Variants in PIP5K1B observed in about 807,000 individuals in gnomAD.
PIP5K1B encodes phosphatidylinositol 4-phosphate 5-kinase type-1 beta.
In PIP5K1B, 42 loss-of-function variants were observed where a neutral mutation model predicts 67.0. The observed-to-expected ratio is 0.63, with a 90% confidence interval of 0.49 to 0.81. The LOEUF (loss-of-function observed/expected upper bound fraction) is 0.81. Ranked by LOEUF, PIP5K1B falls within the 30% of genes least tolerant of loss-of-function variation. The pLI is 0.00. For synonymous variants in PIP5K1B, 214 were observed against 231.4 expected (o/e 0.92, Z 0.68); for missense variants, 459 against 646.3 (o/e 0.71, Z 3.14).
At chr9:68,985,552 A>G (rs532248101) in intron 14 of PIP5K1B, among the ~76,000 whole-genome samples, 1 of 152,274 alleles carries the variant, frequency 6.6e-6, no homozygotes, top group Admixed American at 6.5e-5. Context: ...ACACCTGGCC[A>G]ACAGATCTCT....
intron 8 of PIP5K1B, 146 bp from the exon 9 acceptor site, chr9:68,917,402 T>A: frequency 1.5e-6 from 1 of 683,934 alleles, no homozygotes; most frequent in African/African-American, 1.8e-5. Flanking sequence ...TCAAGTGTTT[T>A]TATTTTGATT....
intron 2 of PIP5K1B, among the ~76,000 whole-genome samples, chr9:68,809,630 A>G (rs1314760917): frequency 5.9e-5 from 9 of 152,326 alleles, no homozygotes; most frequent in Admixed American, 5.9e-4. Context: ...GAGTACACCC[A>G]TGAAAATTTA....
intron 1 of PIP5K1B, among the ~76,000 whole-genome samples, chr9:68,714,478 C>T (rs1236182627): frequency 6.6e-6 from 1 of 152,194 alleles, no homozygotes. Context: ...TGAGCCAGAA[C>T]CTCTCTGGTA....
intron 1 of PIP5K1B, among the ~76,000 whole-genome samples, chr9:68,725,486 T>G (rs1828107104): frequency 6.6e-6 from 1 of 152,178 alleles, no homozygotes; most frequent in East Asian, 1.9e-4. Context: ...TTGTAAGAAT[T>G]GCAGAAAGAG....
chr9:68,970,117 A>G lies in PIP5K1B; in HGVS notation c.1503-21023A>G, dbSNP rs1829278336. 3.3e-5 allele frequency among the ~76,000 whole-genome samples: 5 copies of G among 152,380 alleles called. No homozygotes were observed. The South Asian group carries it at 6.2e-4, about 19-fold the overall frequency. On this transcript the variant is annotated intron_variant, in intron 14 of 15. Coordinates refer to ENST00000265382, the MANE Select transcript of PIP5K1B (RefSeq NM_003558.4). ...GATAGGTAGTAGCAGAATCAAGACC[A>G]GAATCTAGTTCCTCAACTCTGAATC...
chr9:68,712,574 C>T (rs2132240105), intron 1 of PIP5K1B, among the ~76,000 whole-genome samples: 1 of 152,272 alleles, frequency 6.6e-6, no homozygotes, highest in Non-Finnish European at 1.5e-5. Context: ...TAAATGAATA[C>T]ATGAATAAGC....
intron 1 of PIP5K1B, among the ~76,000 whole-genome samples, chr9:68,708,688 G>A (rs1052015110): frequency 6.6e-6 from 1 of 152,162 alleles, no homozygotes; most frequent in Non-Finnish European, 1.5e-5. Context: ...TAAATTTCAG[G>A]AGATGCTAAT....
intron 1 of PIP5K1B, among the ~76,000 whole-genome samples, chr9:68,715,040 A>G (rs543864809): frequency 8.5e-5 from 13 of 152,340 alleles, no homozygotes; most frequent in Non-Finnish European, 1.3e-4. Context: ...GCCTCTCCCA[A>G]AAGGCACCTG....
intron 15 of PIP5K1B, among the ~76,000 whole-genome samples, chr9:69,003,537 C>G (rs1217980141): frequency 6.6e-6 from 1 of 151,842 alleles, no homozygotes; most frequent in Non-Finnish European, 1.5e-5. Context: ...CCTCACAGGA[C>G]TTGTCAGTGC....
At chr9:68,963,942 A>G (rs764499649) in intron 14 of PIP5K1B, 4 of 152,212 alleles carry the variant, frequency 2.6e-5, no homozygotes, top group Non-Finnish European at 5.9e-5. Flanking sequence ...GAGAAAAAGA[A>G]CTTGAATAAA....
intron 7 of PIP5K1B, among the ~76,000 whole-genome samples, chr9:68,892,605 A>T (rs1375626015): frequency 1.3e-5 from 2 of 152,230 alleles, no homozygotes; most frequent in African/African-American, 4.8e-5. Context: ...ACACAAAATT[A>T]ATTCCATATG....
At chr9:68,793,144 A>G (rs1181074829) in intron 2 of PIP5K1B, among the ~76,000 whole-genome samples, 1 of 76,498 alleles carries the variant, frequency 1.3e-5, no homozygotes, top group Non-Finnish European at 2.8e-5. Flanking sequence ...ACAGGAGCTC[A>G]GCATGGCTGA....
At chr9:68,732,214 G>C (rs1828471951) in intron 1 of PIP5K1B, among the ~76,000 whole-genome samples, 1 of 152,212 alleles carries the variant, frequency 6.6e-6, no homozygotes, top group Non-Finnish European at 1.5e-5. Flanking sequence ...GTTATTTGCA[G>C]GTGTGTCTTA....
chr9:68,959,342 A>C (rs1224574513), intron 14 of PIP5K1B, among the ~76,000 whole-genome samples: 1 of 152,144 alleles, frequency 6.6e-6, no homozygotes, highest in Non-Finnish European at 1.5e-5. Context: ...ATGGAACAAA[A>C]TACTATATTC....
intron 14 of PIP5K1B, among the ~76,000 whole-genome samples, chr9:68,941,351 T>A (rs1271188335): frequency 5.3e-5 from 8 of 152,058 alleles, no homozygotes; most frequent in Non-Finnish European, 1.2e-4. Flanking sequence ...AATCACAGGG[T>A]TCTTGTAAGG....
chr9:68,871,223 G>A (rs1421877518), intron 5 of PIP5K1B, among the ~76,000 whole-genome samples: 1 of 152,172 alleles, frequency 6.6e-6, no homozygotes, highest in Non-Finnish European at 1.5e-5. Context: ...TGGGCAGGGA[G>A]AAACCCCTGA....
At chr9:68,948,093 G>A (rs1007323898) in intron 14 of PIP5K1B, among the ~76,000 whole-genome samples, 9 of 152,222 alleles carry the variant, frequency 5.9e-5, no homozygotes, top group Middle Eastern at 3.4e-3. Flanking sequence ...CAGAATGAGG[G>A]GAAAATGTGG....
At chr9:68,808,879 A>G (rs1205806625) in intron 2 of PIP5K1B, among the ~76,000 whole-genome samples, 1 of 152,238 alleles carries the variant, frequency 6.6e-6, no homozygotes, top group Non-Finnish European at 1.5e-5. Context: ...TTATATAAAT[A>G]TTAGATACAT....
At chr9:68,920,028 C>G (rs1826284441) in intron 11 of PIP5K1B, among the ~76,000 whole-genome samples, 1 of 152,086 alleles carries the variant, frequency 6.6e-6, no homozygotes, top group Non-Finnish European at 1.5e-5. Flanking sequence ...TAGGGATGAT[C>G]AGTAGGGCAT....
Sources: allele counts gnomAD v4.1 joint callset (sites outside exome capture counted in the v4.1 genomes callset), GRCh38; gene constraint gnomAD v4.1.1; transcripts MANE v1.5; gene names NCBI Gene and HGNC (gene_info 2026-07-23, HGNC 2026-07-21).